Variants in PPFIA2 observed in about 807,000 individuals in gnomAD.
PPFIA2 encodes liprin-alpha-2.
In PPFIA2, 46 loss-of-function variants were observed where a neutral mutation model predicts 175.5. That is an observed-to-expected ratio of 0.26 (90% confidence interval 0.21 to 0.34). The LOEUF (loss-of-function observed/expected upper bound fraction) is 0.34. Among genes scored for constraint, PPFIA2 ranks in the 10% least tolerant of loss-of-function variants. The pLI is 1.00. For missense variants in PPFIA2, 1,179 were observed against 1,506.1 expected (o/e 0.78, Z 3.60); for synonymous variants, 568 against 511.4 (o/e 1.11, Z -1.49).
intron 23 of PPFIA2, among the ~76,000 whole-genome samples, chr12:81,297,209 A>T (rs2046679129): frequency 6.6e-6 from 1 of 152,142 alleles, no homozygotes; most frequent in African/African-American, 2.4e-5. Context: ...GCCCTGGCTG[A>T]TACCTTGATT....
chr12:81,647,678 G>A (rs943494113), intron 4 of PPFIA2, among the ~76,000 whole-genome samples: 12 of 150,374 alleles, frequency 8.0e-5, no homozygotes, highest in South Asian at 2.1e-4. Flanking sequence ...GGAGAATGGC[G>A]TGAACCGGGG....
intron 16 of PPFIA2, among the ~76,000 whole-genome samples, chr12:81,354,266 T>C (rs2060510709): frequency 1.3e-5 from 2 of 152,216 alleles, no homozygotes; most frequent in African/African-American, 4.8e-5. Flanking sequence ...TTTGATAGCA[T>C]TTAACCCAGA....
At chr12:81,493,226 G>T (rs2059606999) in intron 4 of PPFIA2, among the ~76,000 whole-genome samples, 1 of 152,040 alleles carries the variant, frequency 6.6e-6, no homozygotes, top group Non-Finnish European at 1.5e-5. Context: ...CCAAGTTGGA[G>T]ACGCTAATAT....
chr12:81,542,865 G>A (rs1275938648), intron 4 of PPFIA2, among the ~76,000 whole-genome samples: 1 of 152,028 alleles, frequency 6.6e-6, no homozygotes, highest in African/African-American at 2.4e-5. Flanking sequence ...CAACTTCCTA[G>A]GGCATGATGG....
At chr12:81,434,761 T>C (rs915178664) in intron 7 of PPFIA2, among the ~76,000 whole-genome samples, 1 of 152,104 alleles carries the variant, frequency 6.6e-6, no homozygotes, top group African/African-American at 2.4e-5. Flanking sequence ...TAAAATGATC[T>C]AGTATTGATG....
chr12:81,354,573 T>C (rs1031571572), intron 16 of PPFIA2, among the ~76,000 whole-genome samples: 4 of 152,192 alleles, frequency 2.6e-5, no homozygotes, highest in South Asian at 2.1e-4. Flanking sequence ...AGTTATTTCC[T>C]CCACAGAAGT....
intron 17 of PPFIA2, among the ~76,000 whole-genome samples, chr12:81,348,949 G>C (rs2059549777): frequency 6.6e-6 from 1 of 152,056 alleles, no homozygotes; most frequent in Non-Finnish European, 1.5e-5. Flanking sequence ...CTCTTATATA[G>C]AACCTGTACC....
intron 3 of PPFIA2, among the ~76,000 whole-genome samples, chr12:81,733,104 C>G (rs1457836436): frequency 1.3e-5 from 2 of 151,378 alleles, no homozygotes; most frequent in Non-Finnish European, 3.0e-5. Flanking sequence ...TTTATTGTCT[C>G]TATATAGTAG....
chr12:81,336,433 C>T (rs1249908434), intron 21 of PPFIA2, among the ~76,000 whole-genome samples: 4 of 152,124 alleles, frequency 2.6e-5, no homozygotes, highest in Admixed American at 2.0e-4. Flanking sequence ...ACAATCACAT[C>T]GACTGATCCT....
intron 3 of PPFIA2, among the ~76,000 whole-genome samples, chr12:81,687,095 T>G (rs1316231839): frequency 6.6e-6 from 1 of 152,078 alleles, no homozygotes; most frequent in Non-Finnish European, 1.5e-5. Context: ...GTGAGTCTGA[T>G]GCAGGCTAAG....
At chr12:81,449,508 A>C (rs2052019847) in intron 5 of PPFIA2, among the ~76,000 whole-genome samples, 1 of 152,038 alleles carries the variant, frequency 6.6e-6, no homozygotes, top group African/African-American at 2.4e-5. Flanking sequence ...AAAACAAAAA[A>C]AAATCTGATT....
In PPFIA2 at chr12:81,642,757, TAC is replaced by T. The variant is rs1567689037; in HGVS notation, c.303+34032_303+34033del. On this transcript the variant is annotated intron_variant, in intron 4 of 32. Coordinates refer to ENST00000549396, the MANE Select transcript of PPFIA2 (RefSeq NM_003625.5). The stretch of plus-strand genomic sequence containing the variant: ...TATATGTATGTATGTATTATATACA[TAC>T]ATGTATATGTATGTATGTATTATAT... Among the ~76,000 whole-genome samples the T allele has an allele frequency of 2.0e-5, 2 of 101,770 alleles. 1 individual carries two copies. Among genetic ancestry groups the T allele is most frequent in the Non-Finnish European group, 3.9e-5 (2 of 51,680 alleles). The allele number at this position is 101,770 out of a possible 152,430, so 66.8% of individuals were successfully genotyped here. A position where few individuals can be genotyped will look rare whatever the true frequency, so the allele number is the denominator to read the frequency against.
intron 4 of PPFIA2, among the ~76,000 whole-genome samples, chr12:81,509,072 A>T (rs1451650083): frequency 6.6e-6 from 1 of 152,032 alleles, no homozygotes; most frequent in Non-Finnish European, 1.5e-5. Flanking sequence ...ATGAAACTGG[A>T]AATCATCATT....
At chr12:81,653,554 C>G (rs1042990513) in intron 4 of PPFIA2, among the ~76,000 whole-genome samples, 4 of 152,066 alleles carry the variant, frequency 2.6e-5, no homozygotes, top group African/African-American at 9.7e-5. Flanking sequence ...TCACTCCAAT[C>G]TCTGTCTCCA....
intron 4 of PPFIA2, among the ~76,000 whole-genome samples, chr12:81,602,985 G>T (rs934953217): frequency 6.6e-6 from 1 of 151,768 alleles, no homozygotes; most frequent in Non-Finnish European, 1.5e-5. Flanking sequence ...TTGACTCAAT[G>T]AATGTGCTGC....
At chr12:81,638,033 C>T (rs1385548562) in intron 4 of PPFIA2, among the ~76,000 whole-genome samples, 5 of 152,176 alleles carry the variant, frequency 3.3e-5, no homozygotes, top group African/African-American at 1.2e-4. Flanking sequence ...TTCCCCATTA[C>T]CCGACTATTT....
intron 4 of PPFIA2, among the ~76,000 whole-genome samples, chr12:81,520,842 G>A (rs912906717): frequency 6.6e-6 from 1 of 152,116 alleles, no homozygotes; most frequent in African/African-American, 2.4e-5. Context: ...TGTGTCAAGA[G>A]GAGAGAGAGA....
At chr12:81,637,518 C>T (rs1044959812) in intron 4 of PPFIA2, among the ~76,000 whole-genome samples, 1 of 151,854 alleles carries the variant, frequency 6.6e-6, no homozygotes, top group Admixed American at 6.6e-5. Flanking sequence ...CCATCTCTAC[C>T]CCTACCTCCC....
intron 4 of PPFIA2, chr12:81,675,712 A>T (rs1240001738): frequency 6.6e-6 from 1 of 152,044 alleles, no homozygotes; most frequent in East Asian, 1.9e-4. Context: ...ATACTTAGGT[A>T]AAAGACTGGC....
Sources: allele counts gnomAD v4.1 joint callset (sites outside exome capture counted in the v4.1 genomes callset), GRCh38; gene constraint gnomAD v4.1.1; transcripts MANE v1.5; gene names NCBI Gene and HGNC (gene_info 2026-07-23, HGNC 2026-07-21).